The following AUH variants were observed in gnomAD, a reference collection of about 807,000 sequenced individuals.
The protein encoded by AUH is methylglutaconyl-CoA hydratase, mitochondrial.
AUH carries 29 observed loss-of-function variants against 42.3 expected under a neutral mutation model. That is an observed-to-expected ratio of 0.69 (90% CI 0.51 to 0.93). The LOEUF (loss-of-function observed/expected upper bound fraction) is 0.93, where lower values mean the gene tolerates loss of function less well. Among genes scored for constraint, AUH ranks in the 40% least tolerant of loss-of-function variants. The pLI, the probability that AUH is intolerant of heterozygous loss-of-function variation, is 0.00. For missense variants in AUH, 452 were observed against 438.1 expected (o/e 1.03, Z -0.28); for synonymous variants, 174 against 166.4 (o/e 1.05, Z -0.35).
chr9:91,294,788 G>C (rs1057171759), intron 6 of AUH: 1 of 455,146 alleles, frequency 2.2e-6, no homozygotes, highest in African/African-American at 2.0e-5. Context: ...GACTTCAGTG[G>C]AGGAAGTCAC....
At chr9:91,339,880 A>G (rs10991892) in intron 3 of AUH, among the ~76,000 whole-genome samples, 10,945 of 152,180 alleles carry the variant, frequency 0.072, 685 homozygotes, top group East Asian at 0.26. Flanking sequence ...AGGCAGGGGT[A>G]CCCCAACAAA....
chr9:91,359,973 C>CA (rs746193946), intron 1 of AUH, among the ~76,000 whole-genome samples: 16 of 150,350 alleles, frequency 1.1e-4, no homozygotes, highest in Non-Finnish European at 2.1e-4. Flanking sequence ...TTTAAGAAAC[C>CA]ATGATGTATG....
intron 6 of AUH, among the ~76,000 whole-genome samples, chr9:91,254,601 T>C (rs917723912): frequency 1.3e-5 from 2 of 152,134 alleles, no homozygotes; most frequent in Admixed American, 6.5e-5. Context: ...AGTGTGATAG[T>C]AGAAACAAAA....
At chr9:91,251,420 T>C (rs540437817) in intron 6 of AUH, among the ~76,000 whole-genome samples, 1 of 152,328 alleles carries the variant, frequency 6.6e-6, no homozygotes, top group African/African-American at 2.4e-5. Context: ...GTTTTCAGAG[T>C]GTGAATACTC....
chr9:91,306,458 G>A (rs964387657), intron 4 of AUH: 2 of 857,006 alleles, frequency 2.3e-6, no homozygotes, highest in African/African-American at 3.7e-5. Context: ...CATACCATAA[G>A]TAGTTTACTT....
At chr9:91,238,308 C>T (rs914521950) in intron 6 of AUH, among the ~76,000 whole-genome samples, 1 of 152,142 alleles carries the variant, frequency 6.6e-6, no homozygotes, top group African/African-American at 2.4e-5. Context: ...GTCTGCAAAC[C>T]AAATAGCAGG....
intron 6 of AUH, among the ~76,000 whole-genome samples, chr9:91,256,022 T>G (rs187689225): frequency 1.5e-4 from 23 of 152,282 alleles, no homozygotes; most frequent in African/African-American, 4.6e-4. Context: ...AATAATGTCA[T>G]GTAAACATTT....
chr9:91,344,247 G>C (rs1219250134), intron 3 of AUH, among the ~76,000 whole-genome samples: 2 of 152,162 alleles, frequency 1.3e-5, no homozygotes, highest in East Asian at 1.9e-4. Flanking sequence ...ACTGATTCCA[G>C]GTCTTTAGAT....
chr9:91,352,371 A>G (rs770942820), intron 3 of AUH, among the ~76,000 whole-genome samples: 2 of 151,992 alleles, frequency 1.3e-5, no homozygotes, highest in Non-Finnish European at 2.9e-5. Flanking sequence ...GTATTTGTGT[A>G]TATATATACA....
At chr9:91,313,143 C>T (rs1435420222) in intron 4 of AUH, among the ~76,000 whole-genome samples, 2 of 152,084 alleles carry the variant, frequency 1.3e-5, no homozygotes, top group African/African-American at 4.8e-5. Flanking sequence ...ACTGGAATCT[C>T]CTGCTTTCAG....
chr9:91,357,888 T>C (rs868087530), intron 1 of AUH, among the ~76,000 whole-genome samples: 11 of 152,318 alleles, frequency 7.2e-5, no homozygotes, highest in African/African-American at 2.4e-4. Context: ...TTCTAAAAAG[T>C]CTGGTCTTCA....
At chr9:91,278,746 T>C (rs1825740100) in intron 6 of AUH, among the ~76,000 whole-genome samples, 1 of 152,154 alleles carries the variant, frequency 6.6e-6, no homozygotes, top group Non-Finnish European at 1.5e-5. Context: ...TGGATTTACC[T>C]TCCTACCTGA....
intron 6 of AUH, among the ~76,000 whole-genome samples, chr9:91,228,921 G>A (rs1827696057): frequency 6.6e-6 from 1 of 152,204 alleles, no homozygotes; most frequent in Non-Finnish European, 1.5e-5. Context: ...CTGAGAGACA[G>A]TTTGTTTTAA....
At chr9:91,340,918 A>T (rs1831057535) in intron 3 of AUH, among the ~76,000 whole-genome samples, 1 of 152,258 alleles carries the variant, frequency 6.6e-6, no homozygotes, top group South Asian at 2.1e-4. Context: ...AAAATTGTTA[A>T]GAGGCACACA....
rs748926460 is a variant in AUH, at chr9:91,296,036, T to C, written c.640A>G (p.Ile214Val). 6.2e-7 allele frequency: 1 copy of C among 1,614,068 alleles called. No individual in the cohort carries two copies. The highest frequency in any genetic ancestry group is 1.1e-5 in the South Asian group (1 of 91,082). ...KMGLVETKLA[I>V]IPGGGGTQRL... ...CTACTCATACCTCCACCAGGAATAATCGCCAATTTTGTTTCAACCAGGCCC... is the reference window on the plus strand; with the variant it reads ...CTACTCATACCTCCACCAGGAATAACCGCCAATTTTGTTTCAACCAGGCCC... The change falls in exon 6 of 10, where the codon ATT becomes GTT. Residue 214 changes from isoleucine (I) to valine (V), a missense_variant. Physicochemically the swap from Ile to Val is conservative, Grantham distance 29 (BLOSUM62 3). Coordinates refer to ENST00000375731, the MANE Select transcript of AUH (RefSeq NM_001698.3).
intron 6 of AUH, among the ~76,000 whole-genome samples, chr9:91,228,520 A>AT (rs1183469950): frequency 1.4e-5 from 2 of 147,620 alleles, no homozygotes; most frequent in South Asian, 2.2e-4. Flanking sequence ...GGATTCATTA[A>AT]TTTTTTCAAG....
intron 4 of AUH, among the ~76,000 whole-genome samples, chr9:91,304,956 C>T (rs1159260135): frequency 1.3e-5 from 2 of 152,142 alleles, no homozygotes; most frequent in Non-Finnish European, 2.9e-5. Flanking sequence ...CCATGGTCAA[C>T]TGCAGTTTGA....
At chr9:91,242,181 T>C (rs1490382159) in intron 6 of AUH, among the ~76,000 whole-genome samples, 6 of 152,168 alleles carry the variant, frequency 3.9e-5, no homozygotes, top group East Asian at 1.9e-4. Context: ...TTACAACCTA[T>C]CTGAGAGGTG....
At chr9:91,361,187 A>T (rs1276055914) in intron 1 of AUH, among the ~76,000 whole-genome samples, 1 of 152,248 alleles carries the variant, frequency 6.6e-6, no homozygotes, top group African/African-American at 2.4e-5. Context: ...GAGCAGCTTC[A>T]AATTTAAGAT....
Sources: allele counts gnomAD v4.1 joint callset (sites outside exome capture counted in the v4.1 genomes callset), GRCh38; gene constraint gnomAD v4.1.1; transcripts MANE v1.5; gene names NCBI Gene and HGNC (gene_info 2026-07-23, HGNC 2026-07-21).